ORC4: variants seen among roughly 807,000 people sequenced by gnomAD.
ORC4 encodes the protein origin recognition complex subunit 4.
In ORC4, 55 loss-of-function variants were observed where a neutral mutation model predicts 63.9. The ratio of observed to expected loss-of-function variants is 0.86; its 90% CI spans 0.69 to 1.08. The LOEUF is 1.08. Ranked by LOEUF, ORC4 falls within the 50% of genes least tolerant of loss-of-function variation. The probability of loss-of-function intolerance (pLI) is 0.00; values close to 1 mark genes in which losing one functional copy is unlikely to be tolerated. For synonymous variants in ORC4, 150 were observed against 168.5 expected (o/e 0.89, Z 0.85); for missense variants, 511 against 504.4 (o/e 1.01, Z -0.13).
chr2:147,977,218 A>G (rs1690614028), intron 1 of ORC4, among the ~76,000 whole-genome samples: 1 of 152,212 alleles, frequency 6.6e-6, no homozygotes, highest in South Asian at 2.1e-4. Context: ...TTTGGATCCA[A>G]CCAAGTTAAC....
chr2:147,981,685 G>T (rs1276278755), intron 1 of ORC4, among the ~76,000 whole-genome samples: 5 of 151,916 alleles, frequency 3.3e-5, no homozygotes, highest in Non-Finnish European at 5.9e-5. Flanking sequence ...AAATGGATAA[G>T]ATTTTTATTC....
intron 1 of ORC4, among the ~76,000 whole-genome samples, chr2:148,003,140 A>T (rs1468117186): frequency 6.6e-6 from 1 of 152,214 alleles, no homozygotes; most frequent in Non-Finnish European, 1.5e-5. Flanking sequence ...ACCAAAAAAA[A>T]GCCCAGGACC....
intron 1 of ORC4, among the ~76,000 whole-genome samples, chr2:148,002,737 G>A (rs759352603): frequency 2.0e-5 from 3 of 152,004 alleles, no homozygotes; most frequent in Non-Finnish European, 4.4e-5. Flanking sequence ...TCAAAAGCCA[G>A]CAGAAGACAA....
chr2:147,945,024 G>A (rs1241229393), intron 9 of ORC4, among the ~76,000 whole-genome samples: 1 of 151,932 alleles, frequency 6.6e-6, no homozygotes, highest in Non-Finnish European at 1.5e-5. Context: ...AAAAAAATTT[G>A]TTTAGCTTTT....
At chr2:147,963,719 C>T (rs1027412793) in intron 4 of ORC4, among the ~76,000 whole-genome samples, 1 of 152,102 alleles carries the variant, frequency 6.6e-6, no homozygotes, top group Non-Finnish European at 1.5e-5. Context: ...GTGATTGACC[C>T]ACCATATGCA....
chr2:147,948,978 ATATAT>A (rs997784726), intron 8 of ORC4, among the ~76,000 whole-genome samples: 13 of 147,736 alleles, frequency 8.8e-5, no homozygotes, highest in East Asian at 1.9e-4. Flanking sequence ...ATTTTTCAAA[ATATAT>A]TATAGTACAC....
At chr2:148,004,592 C>G (rs1002022732) in intron 1 of ORC4, among the ~76,000 whole-genome samples, 1 of 152,074 alleles carries the variant, frequency 6.6e-6, no homozygotes, top group African/African-American at 2.4e-5. Context: ...ACTGGCCCCC[C>G]CTTCCTTACA....
rs1366480617 is a variant in ORC4 at position 148,020,668 on chromosome 2, G to C, written c.-53C>G. On this transcript the variant is annotated 5_prime_UTR_variant, in exon 1 of 14. Transcript: ENST00000392857. ...AGGGGAACCAACGCCTGCAGGAATC[G>C]CTTCACCGAATCGCCTGGCCGCGTC... is the stretch of plus-strand genomic sequence containing the variant. 1 of 152,488 alleles carries C rather than the reference G, an allele frequency of 6.6e-6. No individual in the cohort carries two copies. The allele number at this position is 152,488 out of a possible 1,614,324, so 9.4% of individuals were successfully genotyped here.
chr2:147,946,887 T>C (rs535679498), intron 9 of ORC4, among the ~76,000 whole-genome samples: 296 of 152,150 alleles, frequency 1.9e-3, no homozygotes, highest in Admixed American at 4.5e-3. Context: ...AGAATTGATA[T>C]AGTCTTAAGG....
In ORC4 at chr2:148,015,556, C is replaced by T. The variant is rs191900105; in HGVS notation, c.-18+5077G>A. On this transcript the variant is annotated intron_variant, in intron 1 of 13. Transcript: ENST00000392857. ...GTATCGATCTCCTGACCTCGTGATC[C>T]GCCCACCTCAGCCTCCCAAAGTGCT... Among the ~76,000 whole-genome samples, 13 of 151,982 alleles carry T rather than the reference C, an allele frequency of 8.6e-5. No individual in the cohort carries two copies. The East Asian group carries it at 2.5e-3, about 29-fold the overall frequency.
chr2:147,997,919 A>G lies in ORC4; in HGVS notation c.-17-21944T>C, dbSNP rs923550894. On this transcript the variant is annotated intron_variant, in intron 1 of 13. Transcript: ENST00000392857. ...TGTTACAAACATAAAATGTGTTTTAACATAAAATTTTAAAAACATGATGCT... is the reference window on the plus strand; with the variant it reads ...TGTTACAAACATAAAATGTGTTTTAGCATAAAATTTTAAAAACATGATGCT... Among the ~76,000 whole-genome samples, 3 of 152,220 alleles carry G rather than the reference A, an allele frequency of 2.0e-5. 1 individual carries two copies. The highest frequency in any genetic ancestry group is 7.2e-5 in the African/African-American group (3 of 41,468).
chr2:148,016,653 T>C (rs1013974383), intron 1 of ORC4, among the ~76,000 whole-genome samples: 3 of 152,224 alleles, frequency 2.0e-5, no homozygotes, highest in African/African-American at 7.2e-5. Flanking sequence ...AGGAAAAAGC[T>C]TTCCAAGAGT....
intron 4 of ORC4, among the ~76,000 whole-genome samples, chr2:147,966,326 T>TA (rs1001979913): frequency 5.7e-4 from 86 of 151,788 alleles, no homozygotes; most frequent in African/African-American, 1.9e-3. Flanking sequence ...AATTTTAAAT[T>TA]AAAAAATCTA....
At chr2:147,940,268 T>C (rs1688290177) in intron 10 of ORC4, among the ~76,000 whole-genome samples, 1 of 152,148 alleles carries the variant, frequency 6.6e-6, no homozygotes, top group South Asian at 2.1e-4. Context: ...TGTGAGACTT[T>C]GGTGAATGCA....
intron 8 of ORC4, among the ~76,000 whole-genome samples, chr2:147,949,338 A>G (rs1193811193): frequency 2.6e-5 from 4 of 152,134 alleles, no homozygotes; most frequent in African/African-American, 9.6e-5. Flanking sequence ...TAAAGAAGCC[A>G]GTCACACAAA....
At position 147,955,689 on chromosome 2, in the gene ORC4, G is replaced by A. The variant is rs17219127; in HGVS notation, c.388-294C>T. On this transcript the variant is annotated intron_variant, in intron 6 of 13. Coordinates refer to ENST00000392857, the MANE Select transcript of ORC4 (RefSeq NM_181741.4). ...AAAAGTAAGAAATTTTATATTTTCC[G>A]GAAAAAATCTGAAAGAATGTTAAAT... Among the ~76,000 whole-genome samples the A allele has an allele frequency of 0.024, 3,714 of 151,900 alleles. 76 individuals are homozygous for A. Among genetic ancestry groups the A allele is most frequent in the South Asian group, 0.069 (333 of 4,824 alleles).
chr2:147,943,530 G>GAAAAAAAAAA lies in ORC4; in HGVS notation c.763-18_763-9dup. 8.6e-7 allele frequency: 1 copy of GAAAAAAAAAA among 1,168,466 alleles called. No individual in the cohort carries two copies. The highest frequency in any genetic ancestry group is 1.2e-6 in the Non-Finnish European group (1 of 809,370). The allele number at this position is 1,168,466 out of a possible 1,614,324, so 72.4% of individuals were successfully genotyped here. A position where few individuals can be genotyped will look rare whatever the true frequency, so the allele number is the denominator to read the frequency against. On this transcript the variant is annotated splice_polypyrimidine_tract_variant and intron_variant, in intron 9 of 13. Coordinates refer to ENST00000392857, the MANE Select transcript of ORC4 (RefSeq NM_181741.4). ...TCTATCTTCTGAGAGATACTAAAAG[G>GAAAAAAAAAA]AAAAAAAAAAAAAAAGCCAAAATTG...
At chr2:147,955,270 T>C in intron 7 of ORC4, 77 bp downstream of exon 7, 1 of 955,374 alleles carries the variant, frequency 1.0e-6, no homozygotes, top group Non-Finnish European at 1.6e-6. Flanking sequence ...TGGCAAAAGC[T>C]TGTATTACCT....
Position 147,939,188 on chromosome 2 carries a change from C to T in ORC4, c.910G>A (p.Glu304Lys), listed in dbSNP as rs1452760466. The T allele has an allele frequency of 1.9e-6, 3 of 1,613,080 alleles. No individual in the cohort carries two copies. The East Asian group carries it at 6.7e-5, about 36-fold the overall frequency. Residue 304 changes from glutamate to lysine, a missense_variant, in exon 11 of 14, where the codon GAA (glutamate) becomes AAA (lysine). Coordinates refer to ENST00000392857, the MANE Select transcript of ORC4 (RefSeq NM_181741.4). ...TCCATGCTACACAGTTGGCTTGCTT[C>T]CATTAGATCTACGGCAGTCATAAAT... The part of the protein sequence containing the change: ...HPFMTAVDLM[E>K]ASQLCSMDSK...
Sources: gnomAD v4.1 joint callset for allele counts (sites outside exome capture counted in the v4.1 genomes callset) on GRCh38, gnomAD v4.1.1 for gene constraint, MANE v1.5 for transcripts, NCBI Gene and HGNC (gene_info 2026-07-23, HGNC 2026-07-21) for gene names.